The following GON4L variants were observed in gnomAD, a reference collection of about 807,000 sequenced individuals.
The protein encoded by GON4L is gon-4 like.
A neutral mutation model predicts 211.8 loss-of-function variants in GON4L; 87 were observed. That is an observed-to-expected ratio of 0.41 (90% CI 0.35 to 0.49). The LOEUF is 0.49. GON4L is among the 20% of genes least tolerant of loss of function. The probability of loss-of-function intolerance (pLI) is 0.15; values close to 1 mark genes in which losing one functional copy is unlikely to be tolerated. For missense variants in GON4L, 2,155 were observed against 2,659.5 expected (o/e 0.81, Z 4.17); for synonymous variants, 875 against 962.6 (o/e 0.91, Z 1.68).
chr1:155,759,217 C>G (rs1012282305), intron 24 of GON4L, among the ~76,000 whole-genome samples: 8 of 151,976 alleles, frequency 5.3e-5, no homozygotes, highest in Non-Finnish European at 1.2e-4. Context: ...TCCAGGCTGG[C>G]CTCCCAAAGT....
downstream of GON4L, among the ~76,000 whole-genome samples, chr1:155,745,677 A>G (rs450930): frequency 0.011 from 1,627 of 152,144 alleles, 13 homozygotes; most frequent in African/African-American, 0.024. Flanking sequence ...GAGGTAGGAA[A>G]GGATCGGCGC....
downstream of GON4L, chr1:155,746,931 G>A (rs1486226441): frequency 3.7e-6 from 6 of 1,601,114 alleles, no homozygotes; most frequent in East Asian, 2.2e-5. Context: ...TCTCCATAGG[G>A]GCAGGTAAAC....
intron 22 of GON4L, 142 bp downstream of exon 22, chr1:155,763,170 G>T: frequency 1.6e-6 from 1 of 637,992 alleles, no homozygotes; most frequent in African/African-American, 1.8e-5. Flanking sequence ...CATGTTTTGG[G>T]GGAGGGGTGT....
chr1:155,853,847 A>G, intron 1 of GON4L, 41 bp from the exon 2 acceptor site: 1 of 1,202,682 alleles, frequency 8.3e-7, no homozygotes, highest in Non-Finnish European at 1.2e-6. Flanking sequence ...ATATTAATTA[A>G]AAGTAATAAC....
chr1:155,778,737 G>T (rs1664090801), intron 14 of GON4L, among the ~76,000 whole-genome samples: 1 of 152,074 alleles, frequency 6.6e-6, no homozygotes, highest in Non-Finnish European at 1.5e-5. Flanking sequence ...CCCAGTGTGT[G>T]TTGTTCCCCA....
At chr1:155,748,498 T>C, downstream of GON4L, 10 of 1,613,776 alleles carry the variant, frequency 6.2e-6, no homozygotes, top group Non-Finnish European at 8.5e-6. Flanking sequence ...CCATGGTTCA[T>C]CTGGCTGACA....
chr1:155,820,674 G>A lies in GON4L; in HGVS notation c.964-18C>T. 1 of 1,586,028 alleles carries A rather than the reference G, an allele frequency of 6.3e-7. No homozygotes were observed. On this transcript the variant is annotated intron_variant, in intron 5 of 31. Transcript: ENST00000368331. ...TTAGGCTCCTAAGGAGAAAAAAACA[G>A]AAAGGAAATCCTCAATAAAAATCAC...
intron 1 of GON4L, 39 bp from the exon 2 acceptor site, chr1:155,853,845 T>C: frequency 8.3e-7 from 1 of 1,198,124 alleles, no homozygotes; most frequent in Non-Finnish European, 1.2e-6. Context: ...TCATATTAAT[T>C]AAAAGTAATA....
chr1:155,813,979 G>C (rs1182340902), intron 9 of GON4L, among the ~76,000 whole-genome samples, 175 bp from the exon 10 acceptor site: 1 of 152,232 alleles, frequency 6.6e-6, no homozygotes, highest in African/African-American at 2.4e-5. Flanking sequence ...GATCTAATTA[G>C]TTTTCATCCT....
chr1:155,835,442 A>G (rs1156898415), intron 2 of GON4L, among the ~76,000 whole-genome samples: 1 of 151,306 alleles, frequency 6.6e-6, no homozygotes, highest in Admixed American at 6.6e-5. Context: ...CCTCTGCGAG[A>G]AACACCCAAG....
intron 14 of GON4L, among the ~76,000 whole-genome samples, chr1:155,781,033 G>A (rs1329820066): frequency 6.6e-6 from 1 of 152,078 alleles, no homozygotes; most frequent in Non-Finnish European, 1.5e-5. Flanking sequence ...CTGAAAACCT[G>A]ATCACCTGCA....
intron 10 of GON4L, among the ~76,000 whole-genome samples, chr1:155,811,540 G>A (rs1280328556): frequency 6.6e-6 from 1 of 151,142 alleles, no homozygotes; most frequent in Non-Finnish European, 1.5e-5. Flanking sequence ...CAGATCACTT[G>A]AGGTCAGGAG....
Position 155,853,174 on chromosome 1 carries a change from C to T in GON4L, c.505+102G>A. On this transcript the variant is annotated intron_variant, in intron 2 of 31. Coordinates refer to ENST00000368331, the MANE Select transcript of GON4L (RefSeq NM_001282860.2). The stretch of plus-strand genomic sequence containing the variant: ...CAGCAGTTCCAATTCCGTACCAAAT[C>T]AATATCCCCTTTCAGAAATACTACT... 1.1e-5 allele frequency: 12 copies of T among 1,065,700 alleles called. No individual in the cohort carries two copies. In the South Asian group the frequency reaches 1.3e-4, roughly 11 times the overall value. The allele number at this position is 1,065,700 out of a possible 1,614,324, so 66.0% of individuals were successfully genotyped here. A position where few individuals can be genotyped will look rare whatever the true frequency, so the allele number is the denominator to read the frequency against.
At chr1:155,760,401 T>C in intron 24 of GON4L, 43 bp downstream of exon 24, 1 of 1,251,788 alleles carries the variant, frequency 8.0e-7, no homozygotes, top group Non-Finnish European at 1.1e-6. Context: ...AGTCTCACTC[T>C]GACCCAGGAG....
intron 8 of GON4L, among the ~76,000 whole-genome samples, 160 bp from the exon 9 acceptor site, chr1:155,814,609 G>A (rs572173138): frequency 9.2e-5 from 14 of 152,020 alleles, no homozygotes; most frequent in South Asian, 6.2e-4. Flanking sequence ...AGCCAGGCGC[G>A]GTGGCGTGCA....
At chr1:155,806,102 C>G (rs954193325) in intron 10 of GON4L, among the ~76,000 whole-genome samples, 2 of 151,808 alleles carry the variant, frequency 1.3e-5, no homozygotes, top group East Asian at 3.9e-4. Flanking sequence ...ATTCTCCTGC[C>G]TCAGCCTCCC....
chr1:155,794,131 G>C (rs1375051169), intron 12 of GON4L, among the ~76,000 whole-genome samples: 1 of 151,844 alleles, frequency 6.6e-6, no homozygotes, highest in African/African-American at 2.4e-5. Context: ...GAGTGCATTG[G>C]CGTGATCTCG....
Position 155,749,846 on chromosome 1 carries a change from A to G in GON4L, c.*738T>C. 6.3e-7 allele frequency: 1 copy of G among 1,590,500 alleles called. No homozygotes were observed. The highest frequency in any genetic ancestry group is 1.1e-5 in the South Asian group (1 of 88,560). Reference sequence around the variant, plus strand: ...TTACAATCAAGTCTACTAAGGTTGGACTTCCTTATCAGTTTGGCGAGTCCC... The same window carrying G: ...TTACAATCAAGTCTACTAAGGTTGGGCTTCCTTATCAGTTTGGCGAGTCCC... On this transcript the variant is annotated 3_prime_UTR_variant, in exon 32 of 32. Coordinates refer to ENST00000368331, the MANE Select transcript of GON4L (RefSeq NM_001282860.2).
rs770807104 is a variant in GON4L at position 155,795,163 on chromosome 1, A to C, written c.1646-12T>G. 6.9e-7 allele frequency: 1 copy of C among 1,442,718 alleles called. No individual in the cohort carries two copies. The highest frequency in any genetic ancestry group is 1.4e-5 in the African/African-American group (1 of 71,764). The allele number at this position is 1,442,718 out of a possible 1,614,324, so 89.4% of individuals were successfully genotyped here. On this transcript the variant is annotated splice_polypyrimidine_tract_variant and intron_variant, in intron 11 of 31. Transcript: ENST00000368331. ...ATCATCTGCTTCATCTAGGAAAAAA[A>C]AGTGTTTCAGATGCTCATTAACTCT...
Sources: gnomAD v4.1 joint callset for allele counts (sites outside exome capture counted in the v4.1 genomes callset) on GRCh38, gnomAD v4.1.1 for gene constraint, MANE v1.5 for transcripts, NCBI Gene and HGNC (gene_info 2026-07-23, HGNC 2026-07-21) for gene names.